AMPD2: variants seen among roughly 807,000 people sequenced by gnomAD.
AMPD2 encodes the protein AMP deaminase 2.
A neutral mutation model predicts 91.3 loss-of-function variants in AMPD2; 52 were observed. The observed-to-expected ratio is 0.57, with a 90% CI of 0.46 to 0.72. AMPD2 has a LOEUF of 0.72. Among genes scored for constraint, AMPD2 ranks in the 30% least tolerant of loss-of-function variants. The pLI is 0.00. For synonymous variants in AMPD2, 455 were observed against 456.4 expected (o/e 1.00, Z 0.04); for missense variants, 822 against 1,122.3 (o/e 0.73, Z 3.82).
At chr1:109,621,429 T>TGGGGGGGGGGGGGG in intron 2 of AMPD2, 163 bp downstream of exon 2, 1 of 139,156 alleles carries the variant, frequency 7.2e-6, no homozygotes. Flanking sequence ...GAAGGTGGGG[T>TGGGGGGGGGGGGGG]GAGGGGTGGT....
chr1:109,622,418 T>A, intron 2 of AMPD2: 1 of 394,188 alleles, frequency 2.5e-6, no homozygotes, highest in Non-Finnish European at 5.1e-6. Context: ...GAGGCAGTCG[T>A]GGCAGTGTGT....
rs757520920 is a variant in AMPD2, at chr1:109,620,981, G to A, written c.-195G>A. 3 of 1,551,082 alleles carry A rather than the reference G, an allele frequency of 1.9e-6. No homozygotes were observed. The highest frequency in any genetic ancestry group is 2.6e-6 in the Non-Finnish European group (3 of 1,147,654). ...CAGGGGAGGGATAAGGGGCAGAGAT[G>A]GAGGCCCCACTCCCCGAGGTTGCCT... On this transcript the variant is annotated 5_prime_UTR_variant, in exon 2 of 19. An upstream start codon of the reference 5' UTR is lost. Transcript: ENST00000528667.
chr1:109,620,099 G>A lies in AMPD2; in HGVS notation c.-442G>A. On this transcript the variant is annotated 5_prime_UTR_variant, in exon 1 of 19. Coordinates refer to ENST00000528667, the MANE Select transcript of AMPD2 (RefSeq NM_001368809.2). ...GTCTGCGGGAGTCCACCTCCGGCCA[G>A]CTGGCAATTTTGAAAGACTGCCTTA... 1.1e-6 allele frequency: 1 copy of A among 925,432 alleles called. No homozygotes were observed. The highest frequency in any genetic ancestry group is 1.7e-6 in the Non-Finnish European group (1 of 599,058). 57.3% of individuals were successfully genotyped at this position (925,432 alleles called of 1,614,324 possible). A position where few individuals can be genotyped will look rare whatever the true frequency, so the allele number is the denominator to read the frequency against.
At position 109,625,244 on chromosome 1, in the gene AMPD2, C is replaced by A; in HGVS notation, c.92-59C>A. On this transcript the variant is annotated intron_variant, in intron 2 of 18. Coordinates refer to ENST00000528667, the MANE Select transcript of AMPD2 (RefSeq NM_001368809.2). The surrounding 1 kb of genome is among the most constrained non-coding windows in gnomAD (Gnocchi z 4.0). ...GGAGCTGGCCTAGGCAGGGCAGGGG[C>A]CCAGGGCTTTCAGGGGCTGCCCCTC... is the stretch of plus-strand genomic sequence containing the variant. 12 of 1,591,124 alleles carry A rather than the reference C, an allele frequency of 7.5e-6. No individual in the cohort carries two copies. The Admixed American group carries it at 2.0e-4, about 27-fold the overall frequency.
chr1:109,629,130 C>T lies in AMPD2; in HGVS notation c.1593C>T (p.Gly531=). Residue 531 remains glycine, a synonymous_variant, in exon 14 of 19, where the codon GGC becomes GGT. Coordinates refer to ENST00000528667, the MANE Select transcript of AMPD2 (RefSeq NM_001368809.2). The part of the protein sequence containing the change: ...PRLFDVYRTK[G]QLANFQEMLE... The stretch of plus-strand genomic sequence containing the variant: ...GCAGTGATGTGTACCGTACCAAGGG[C>T]CAGCTGGCCAACTTCCAGGAGATGC... 6.2e-7 allele frequency: 1 copy of T among 1,613,944 alleles called. No individual in the cohort carries two copies. Among genetic ancestry groups the T allele is most frequent in the South Asian group, 1.1e-5 (1 of 91,052 alleles).
In AMPD2 at chr1:109,624,328, G is replaced by T. The variant is rs933423372; in HGVS notation, c.92-975G>T. Among the ~76,000 whole-genome samples, 7 of 152,232 alleles carry T rather than the reference G, an allele frequency of 4.6e-5. No homozygotes were observed. Among genetic ancestry groups the T allele is most frequent in the African/African-American group, 1.7e-4 (7 of 41,456 alleles). On this transcript the variant is annotated intron_variant, in intron 2 of 18. Coordinates refer to ENST00000528667, the MANE Select transcript of AMPD2 (RefSeq NM_001368809.2). This position sits in a 1 kb window ranked among gnomAD's most constrained non-coding sequence, Gnocchi z 5.2. ...GAGAGAGGCAGTTTGGGTGTGGAAA[G>T]CTTCTCACTGAGGAGCTGGGGCTGC...
Position 109,626,743 on chromosome 1 carries a change from G to A in AMPD2, c.549G>A (p.Leu183=). ...ATCTCCAGGTGCCGTTCACAGACCT[G>A]CTGGATGCAGCCAAGAGTGTGGTGC... ...EEKCGVPFTD[L]LDAAKSVVRA... is the part of the protein sequence containing the mutation. Residue 183 remains leucine, a synonymous_variant, in exon 7 of 19, where the codon CTG becomes CTA. Transcript: ENST00000528667. 1 of 1,613,442 alleles carries A rather than the reference G, an allele frequency of 6.2e-7. No individual in the cohort carries two copies. Among genetic ancestry groups the A allele is most frequent in the Non-Finnish European group, 8.5e-7 (1 of 1,179,610 alleles).
Position 109,631,288 on chromosome 1 carries a change from G to C in AMPD2, c.*136G>C, listed in dbSNP as rs1651251816. On this transcript the variant is annotated 3_prime_UTR_variant, in exon 19 of 19. Coordinates refer to ENST00000528667, the MANE Select transcript of AMPD2 (RefSeq NM_001368809.2). ...CTTGCATGTCTCCTACCATGTCACTGTCCCTGGGCCACCCAGTGAAAGCAA... is the reference window on the plus strand; with the variant it reads ...CTTGCATGTCTCCTACCATGTCACTCTCCCTGGGCCACCCAGTGAAAGCAA... 2 of 908,886 alleles carry C rather than the reference G, an allele frequency of 2.2e-6. No individual in the cohort carries two copies. Among genetic ancestry groups the C allele is most frequent in the East Asian group, 5.3e-5 (2 of 37,816 alleles). The allele number at this position is 908,886 out of a possible 1,614,324, so 56.3% of individuals were successfully genotyped here. A position where few individuals can be genotyped will look rare whatever the true frequency, so the allele number is the denominator to read the frequency against.
rs79676260 is a variant in AMPD2 at position 109,625,768 on chromosome 1, A to C, written c.329A>C (p.Glu110Ala). 6.2e-7 allele frequency: 1 copy of C among 1,613,850 alleles called. No individual in the cohort carries two copies. Among genetic ancestry groups the C allele is most frequent in the South Asian group, 1.1e-5 (1 of 91,070 alleles). Residue 110 changes from glutamate (E) to alanine (A), a missense_variant, in exon 4 of 19, where the codon GAG (glutamate) becomes GCG (alanine). Around this residue, in one of 5 missense-constraint regions of AMPD2, gnomAD observed 10 missense variants for 36.2 expected, o/e 0.28. Transcript: ENST00000528667. This position sits in a 1 kb window ranked among gnomAD's most constrained non-coding sequence, Gnocchi z 4.0. ...CTGGAGGAGCGGCGGCAGCGGCTGG[A>C]GCGGCAGATCAGCCAGGATGTCAAG... The part of the protein sequence containing the change: ...EQLEERRQRL[E>A]RQISQDVKLE...
rs761197546 is a variant in AMPD2 at position 109,627,309 on chromosome 1, G to A, written c.853G>A (p.Asp285Asn). Residue 285 changes from aspartate to asparagine, a missense_variant, in exon 8 of 19, where the codon GAC becomes AAC. Asp to Asn is a conservative substitution (Grantham distance 23, BLOSUM62 1). Around this residue, in one of 5 missense-constraint regions of AMPD2, gnomAD observed 240 missense variants for 270.3 expected, o/e 0.89. Coordinates refer to ENST00000528667, the MANE Select transcript of AMPD2 (RefSeq NM_001368809.2). ...VVHVYTRREP[D>N]EHCSEVELPY... is the part of the protein sequence containing the mutation. ...GCACGTCTACACCCGCAGGGAACCC[G>A]ACGAGCAGTAAGAGGGGTGTGGTGC... 1.2e-6 allele frequency: 2 copies of A among 1,604,646 alleles called. No homozygotes were observed. The highest frequency in any genetic ancestry group is 1.7e-5 in the Admixed American group (1 of 59,658).
Position 109,625,035 on chromosome 1 carries a change from C to T in AMPD2, c.92-268C>T, listed in dbSNP as rs1417691436. 6.6e-6 allele frequency among the ~76,000 whole-genome samples: 1 copy of T among 152,132 alleles called. No individual in the cohort carries two copies. Among genetic ancestry groups the T allele is most frequent in the East Asian group, 1.9e-4 (1 of 5,180 alleles). Reference sequence around the variant, plus strand: ...GGCCTGAGGGATCAGGCTCTAGTCTCATTTGTGGAGGTAATGAATCTACTT... The same window carrying T: ...GGCCTGAGGGATCAGGCTCTAGTCTTATTTGTGGAGGTAATGAATCTACTT... On this transcript the variant is annotated intron_variant, in intron 2 of 18. Transcript: ENST00000528667. The surrounding 1 kb of genome is among the most constrained non-coding windows in gnomAD (Gnocchi z 4.0).
At position 109,631,699 on chromosome 1, in the gene AMPD2, G is replaced by T. The variant is rs1651284934; in HGVS notation, c.*547G>T. 6.1e-6 allele frequency: 1 copy of T among 164,710 alleles called. No individual in the cohort carries two copies. Among genetic ancestry groups the T allele is most frequent in the Non-Finnish European group, 1.3e-5 (1 of 74,556 alleles). 10.2% of individuals were successfully genotyped at this position (164,710 alleles called of 1,614,324 possible). A position where few individuals can be genotyped will look rare whatever the true frequency, so the allele number is the denominator to read the frequency against. ...CACAGGCCTGGGCTTCCTGGCCTGAGTGGGTAGACGCAGGCGGCAGAGGTG... is the reference window on the plus strand; with the variant it reads ...CACAGGCCTGGGCTTCCTGGCCTGATTGGGTAGACGCAGGCGGCAGAGGTG... On this transcript the variant is annotated 3_prime_UTR_variant, in exon 19 of 19. Coordinates refer to ENST00000528667, the MANE Select transcript of AMPD2 (RefSeq NM_001368809.2).
chr1:109,620,024 T>G lies in AMPD2; in HGVS notation c.-517T>G. The G allele has an allele frequency of 1.8e-6, 1 of 542,736 alleles. No individual in the cohort carries two copies. The allele number at this position is 542,736 out of a possible 1,614,324, so 33.6% of individuals were successfully genotyped here. On this transcript the variant is annotated 5_prime_UTR_variant, in exon 1 of 19. Coordinates refer to ENST00000528667, the MANE Select transcript of AMPD2 (RefSeq NM_001368809.2). ...GCCTACCAGCCTCTCGATTGCAGGGTTGGGTGGTCGCGACACCGGGGTCGC... is the reference window on the plus strand; with the variant it reads ...GCCTACCAGCCTCTCGATTGCAGGGGTGGGTGGTCGCGACACCGGGGTCGC...
In AMPD2 at chr1:109,628,747, C is replaced by A; in HGVS notation, c.1512C>A (p.Ala504=). The change falls in exon 13 of 19, where the codon GCC becomes GCA. Residue 504 remains alanine (A), a synonymous_variant. Coordinates refer to ENST00000528667, the MANE Select transcript of AMPD2 (RefSeq NM_001368809.2). The surrounding 1 kb of genome is among the most constrained non-coding windows in gnomAD (Gnocchi z 7.1). ...RDEWDKLARW[A]VMHRVHSPNV... is the part of the protein sequence containing the mutation. Reference sequence around the variant, plus strand: ...AGTGGGACAAGCTGGCGCGCTGGGCCGTCATGCACCGCGTGCACTCCCCCA... The same window carrying A: ...AGTGGGACAAGCTGGCGCGCTGGGCAGTCATGCACCGCGTGCACTCCCCCA... 1 of 1,598,532 alleles carries A rather than the reference C, an allele frequency of 6.3e-7. No individual in the cohort carries two copies.
rs1650934470 is a variant in AMPD2 at position 109,628,667 on chromosome 1, A to G, written c.1432A>G (p.Ser478Gly). The G allele has an allele frequency of 6.2e-7, 1 of 1,613,754 alleles. No individual in the cohort carries two copies. The highest frequency in any genetic ancestry group is 8.5e-7 in the Non-Finnish European group (1 of 1,179,968). Residue 478 changes from serine (S) to glycine (G), a missense_variant, in exon 13 of 19, where the codon AGC (serine) becomes GGC (glycine). Coordinates refer to ENST00000528667, the MANE Select transcript of AMPD2 (RefSeq NM_001368809.2). The surrounding 1 kb of genome is among the most constrained non-coding windows in gnomAD (Gnocchi z 7.1). ...GGAGGTGATGTCAGACCTGGAGGAG[A>G]GCAAATACCAGAATGCAGAGCTGCG... ...IKEVMSDLEE[S>G]KYQNAELRLS...
chr1:109,622,245 C>G (rs1360658996), intron 2 of AMPD2: 2 of 456,348 alleles, frequency 4.4e-6, no homozygotes, highest in Non-Finnish European at 8.8e-6. Context: ...TCTGTGCCAT[C>G]CAGAAAGGGT....
Position 109,620,016 on chromosome 1 carries a change from T to G in AMPD2, c.-525T>G. ...AGCACGTGGCCTACCAGCCTCTCGA[T>G]TGCAGGGTTGGGTGGTCGCGACACC... On this transcript the variant is annotated 5_prime_UTR_variant, in exon 1 of 19. Transcript: ENST00000528667. The G allele has an allele frequency of 5.6e-6, 3 of 533,412 alleles. No individual in the cohort carries two copies. Among genetic ancestry groups the G allele is most frequent in the East Asian group, 6.7e-5 (2 of 29,860 alleles). The allele number at this position is 533,412 out of a possible 1,614,324, so 33.0% of individuals were successfully genotyped here.
rs1282261868 is a variant in AMPD2 at position 109,627,422 on chromosome 1, AT to A, written c.861-6del. 4 of 1,613,908 alleles carry A rather than the reference AT, an allele frequency of 2.5e-6. No individual in the cohort carries two copies. In the African/African-American group the frequency reaches 5.3e-5, roughly 22 times the overall value. On this transcript the variant is annotated splice_polypyrimidine_tract_variant and splice_region_variant and intron_variant, in intron 8 of 18. Coordinates refer to ENST00000528667, the MANE Select transcript of AMPD2 (RefSeq NM_001368809.2). The stretch of plus-strand genomic sequence containing the variant: ...GCTCTCCTCACCCAAGCTCCCCTCC[AT>A]GCCAGTTGCTCAGAGGTGGAGCTGC...
In AMPD2 at chr1:109,627,327, T is replaced by A; in HGVS notation, c.860+11T>A. 6.2e-7 allele frequency: 1 copy of A among 1,605,140 alleles called. No homozygotes were observed. On this transcript the variant is annotated intron_variant, in intron 8 of 18. Coordinates refer to ENST00000528667, the MANE Select transcript of AMPD2 (RefSeq NM_001368809.2). ...GGAACCCGACGAGCAGTAAGAGGGG[T>A]GTGGTGCATGTTGGGGGGATGCAGC... is the stretch of plus-strand genomic sequence containing the variant.
Sources: allele counts gnomAD v4.1 joint callset (sites outside exome capture counted in the v4.1 genomes callset), GRCh38; gene constraint gnomAD v4.1.1; regional missense constraint gnomAD v4.1.1; non-coding constraint Gnocchi (gnomAD v3.1); transcripts MANE v1.5; gene names NCBI Gene and HGNC (gene_info 2026-07-23, HGNC 2026-07-21).